The following FAM91A1 variants were observed in gnomAD, a reference collection of about 807,000 sequenced individuals.
FAM91A1 encodes the protein family with sequence similarity 91 member A1.
FAM91A1 carries 41 observed loss-of-function variants against 113.5 expected under a neutral mutation model. The ratio of observed to expected loss-of-function variants is 0.36; its 90% CI spans 0.28 to 0.47. FAM91A1 has a LOEUF of 0.47. Ranked by LOEUF, FAM91A1 falls within the 20% of genes least tolerant of loss-of-function variation. The pLI, the probability that FAM91A1 is intolerant of heterozygous loss-of-function variation, is 1.00. For synonymous variants in FAM91A1, 307 were observed against 347.9 expected (o/e 0.88, Z 1.31); for missense variants, 696 against 1,001.2 (o/e 0.70, Z 4.11).
intron 16 of FAM91A1, among the ~76,000 whole-genome samples, chr8:123,799,260 T>C (rs1054330778): frequency 6.6e-6 from 1 of 152,208 alleles, no homozygotes; most frequent in Non-Finnish European, 1.5e-5. Context: ...CTTCCTGAGG[T>C]GATATGGCTG....
At chr8:123,787,215 A>G in intron 12 of FAM91A1, 46 bp from the exon 13 acceptor site, 1 of 1,388,588 alleles carries the variant, frequency 7.2e-7, no homozygotes, top group Non-Finnish European at 1.0e-6. Flanking sequence ...ATGGTAAGCA[A>G]AGAATAATTT....
chr8:123,772,333 G>T (rs149834193), intron 1 of FAM91A1, among the ~76,000 whole-genome samples: 4 of 152,310 alleles, frequency 2.6e-5, no homozygotes, highest in African/African-American at 7.2e-5. Flanking sequence ...GTATGCATGT[G>T]TGTGTATTTG....
At position 123,798,304 on chromosome 8, in the gene FAM91A1, T is replaced by C. The variant is rs1815590637; in HGVS notation, c.1560+66T>C. 6 of 1,521,560 alleles carry C rather than the reference T, an allele frequency of 3.9e-6. No homozygotes were observed. The African/African-American group carries it at 7.0e-5, about 18-fold the overall frequency. 94.3% of individuals were successfully genotyped at this position (1,521,560 alleles called of 1,614,324 possible). On this transcript the variant is annotated intron_variant, in intron 16 of 23. Transcript: ENST00000334705. ...GTCCCATCAGTTTTGTTTTCTTCTC[T>C]ATCTGCAGATACCAACTATTAAAAT...
Position 123,808,339 on chromosome 8 carries a change from G to T in FAM91A1, c.2100G>T (p.Glu700Asp). ...GSTESFEMVIEEATIDSATKQ... is the reference protein window; with the variant it reads ...GSTESFEMVIDEATIDSATKQ... ...CAGAGTCATTTGAAATGGTCATTGA[G>T]GAAGCAACTATAGATTCAGCAACAA... is the stretch of plus-strand genomic sequence containing the variant. Residue 700 changes from glutamate to aspartate, a missense_variant, in exon 21 of 24, where the codon GAG (glutamate) becomes GAT (aspartate). By Grantham distance (45) the Glu-to-Asp change is conservative. Transcript: ENST00000334705. 1 of 1,613,488 alleles carries T rather than the reference G, an allele frequency of 6.2e-7. No individual in the cohort carries two copies.
chr8:123,799,996 GAAATGTAAA>G, intron 18 of FAM91A1, 111 bp downstream of exon 18: 1 of 928,978 alleles, frequency 1.1e-6, no homozygotes. Context: ...TTATGAAGTT[GAAATGTAAA>G]AAATCAGAGA....
At chr8:123,791,049 T>C (rs1451435856) in intron 15 of FAM91A1, among the ~76,000 whole-genome samples, 1 of 152,246 alleles carries the variant, frequency 6.6e-6, no homozygotes. Flanking sequence ...TTTATGGAGA[T>C]AATGTATTAG....
rs1391342145 is a variant in FAM91A1 at position 123,813,965 on chromosome 8, A to G, written c.*1261A>G. 9.0e-6 allele frequency: 2 copies of G among 221,172 alleles called. No individual in the cohort carries two copies. The highest frequency in any genetic ancestry group is 1.8e-5 in the Non-Finnish European group (2 of 110,734). The allele number at this position is 221,172 out of a possible 1,614,324, so 13.7% of individuals were successfully genotyped here. A position where few individuals can be genotyped will look rare whatever the true frequency, so the allele number is the denominator to read the frequency against. On this transcript the variant is annotated 3_prime_UTR_variant, in exon 24 of 24. Coordinates refer to ENST00000334705, the MANE Select transcript of FAM91A1 (RefSeq NM_144963.4). ...TATAACCTAAACGTTTTTGCTGGTA[A>G]CTTTTTGTTATTTATAGATATTTGT...
Position 123,805,282 on chromosome 8 carries a change from G to C in FAM91A1, c.1825G>C (p.Gly609Arg), listed in dbSNP as rs755967341. The change falls in exon 19 of 24, where the codon GGG (glycine) becomes CGG (arginine). Residue 609 changes from glycine to arginine, a missense_variant. Gly to Arg is a moderately radical substitution (Grantham distance 125). Coordinates refer to ENST00000334705, the MANE Select transcript of FAM91A1 (RefSeq NM_144963.4). ...AVLIQGHGLH[G>R]IGETVHVPFP... ...TTATGTTTAGGGGCATGGTCTGCAT[G>C]GGATAGGAGAAACTGTCCATGTCCC... 6.2e-7 allele frequency: 1 copy of C among 1,611,924 alleles called. No homozygotes were observed. The highest frequency in any genetic ancestry group is 1.7e-5 in the Admixed American group (1 of 59,870).
At position 123,813,976 on chromosome 8, in the gene FAM91A1, T is replaced by C. The variant is rs1816016000; in HGVS notation, c.*1272T>C. On this transcript the variant is annotated 3_prime_UTR_variant, in exon 24 of 24. Coordinates refer to ENST00000334705, the MANE Select transcript of FAM91A1 (RefSeq NM_144963.4). ...CGTTTTTGCTGGTAACTTTTTGTTA[T>C]TTATAGATATTTGTGTATTTAACAT... The C allele has an allele frequency of 4.5e-6, 1 of 220,028 alleles. No individual in the cohort carries two copies. Among genetic ancestry groups the C allele is most frequent in the South Asian group, 5.4e-5 (1 of 18,598 alleles). The allele number at this position is 220,028 out of a possible 1,614,324, so 13.6% of individuals were successfully genotyped here.
At chr8:123,797,079 A>T (rs942010616) in intron 15 of FAM91A1, among the ~76,000 whole-genome samples, 13 of 152,000 alleles carry the variant, frequency 8.6e-5, no homozygotes, top group East Asian at 1.9e-4. Context: ...AATAAATAAA[A>T]AAAGATATGG....
chr8:123,796,317 A>G (rs1295423853), intron 15 of FAM91A1, among the ~76,000 whole-genome samples: 1 of 152,244 alleles, frequency 6.6e-6, no homozygotes, highest in Non-Finnish European at 1.5e-5. Context: ...AAAAGCTGTG[A>G]AAGCCATCAA....
chr8:123,807,304 A>C (rs764782532), intron 20 of FAM91A1, among the ~76,000 whole-genome samples: 9 of 152,034 alleles, frequency 5.9e-5, no homozygotes, highest in African/African-American at 1.7e-4. Flanking sequence ...TTCATTCCAC[A>C]AACATTTATG....
chr8:123,794,536 A>G (rs948042638), intron 15 of FAM91A1, among the ~76,000 whole-genome samples: 17 of 152,254 alleles, frequency 1.1e-4, no homozygotes, highest in Non-Finnish European at 2.5e-4. Context: ...ATAATTTTGT[A>G]GGTATCTCTT....
chr8:123,779,963 A>T (rs1463988038), intron 6 of FAM91A1, 22 bp from the exon 7 acceptor site: 2 of 1,601,372 alleles, frequency 1.2e-6, no homozygotes, highest in East Asian at 2.2e-5. Flanking sequence ...GAACTTAATT[A>T]AAAATATTTT....
chr8:123,774,221 T>G, intron 2 of FAM91A1, 57 bp downstream of exon 2: 1 of 1,340,912 alleles, frequency 7.5e-7, no homozygotes. Context: ...TTCACATTCG[T>G]AAATCTTTCT....
At chr8:123,771,970 CT>C (rs1285561054) in intron 1 of FAM91A1, among the ~76,000 whole-genome samples, 3 of 151,630 alleles carry the variant, frequency 2.0e-5, no homozygotes, top group South Asian at 2.1e-4. Flanking sequence ...GGTAAAATTA[CT>C]TTTTTTTTCT....
chr8:123,813,436 T>C lies in FAM91A1; in HGVS notation c.*732T>C, dbSNP rs1175926087. 1 of 152,622 alleles carries C rather than the reference T, an allele frequency of 6.6e-6. No individual in the cohort carries two copies. The highest frequency in any genetic ancestry group is 1.5e-5 in the Non-Finnish European group (1 of 68,012). 9.5% of individuals were successfully genotyped at this position (152,622 alleles called of 1,614,324 possible). On this transcript the variant is annotated 3_prime_UTR_variant, in exon 24 of 24. Coordinates refer to ENST00000334705, the MANE Select transcript of FAM91A1 (RefSeq NM_144963.4). ...GGGCTTTATATTTTCATAGAGTCTTTATGGAAAAAATAGAATTTATTTTCC... is the reference window on the plus strand; with the variant it reads ...GGGCTTTATATTTTCATAGAGTCTTCATGGAAAAAATAGAATTTATTTTCC...
intron 2 of FAM91A1, 83 bp from the exon 3 acceptor site, chr8:123,775,064 C>T: frequency 8.7e-6 from 11 of 1,268,622 alleles, no homozygotes; most frequent in Admixed American, 3.0e-5. Flanking sequence ...TTTTAAATTA[C>T]TGTTGGTTTG....
chr8:123,789,328 G>A (rs929537374), intron 14 of FAM91A1, among the ~76,000 whole-genome samples: 1 of 152,108 alleles, frequency 6.6e-6, no homozygotes, highest in Non-Finnish European at 1.5e-5. Context: ...AGTTGTTTAA[G>A]CACTCTATTT....
Sources: allele counts gnomAD v4.1 joint callset (sites outside exome capture counted in the v4.1 genomes callset), GRCh38; gene constraint gnomAD v4.1.1; transcripts MANE v1.5; gene names NCBI Gene and HGNC (gene_info 2026-07-23, HGNC 2026-07-21).